TIE1: variants seen among roughly 807,000 people sequenced by gnomAD.
TIE1 encodes the protein tyrosine-protein kinase receptor Tie-1.
A neutral mutation model predicts 130.5 loss-of-function variants in TIE1; 89 were observed. The observed-to-expected ratio is 0.68, with a 90% CI of 0.57 to 0.81. TIE1 has a LOEUF of 0.81. Among genes scored for constraint, TIE1 ranks in the 40% least tolerant of loss-of-function variants. The pLI is 0.00. For missense variants in TIE1, 1,392 were observed against 1,559.8 expected, an observed-to-expected ratio of 0.89 and a Z score of 1.81; for synonymous variants, 568 against 629.4, an observed-to-expected ratio of 0.90 and a Z score of 1.46.
In TIE1 at chr1:43,305,182, G is replaced by C. The variant is rs774712416; in HGVS notation, c.373+17G>C. The C allele has an allele frequency of 6.2e-6, 10 of 1,613,886 alleles. No individual in the cohort carries two copies. The highest frequency in any genetic ancestry group is 7.6e-6 in the Non-Finnish European group (9 of 1,179,964). ...GCCCTGGAGGTGAGTTAGGCAGGCG[G>C]GGGGATGGCGCGGGGAAAACCAGGC... On this transcript the variant is annotated intron_variant, in intron 2 of 22. Transcript: ENST00000372476.
At position 43,312,455 on chromosome 1, in the gene TIE1, G is replaced by T; in HGVS notation, c.1781G>T (p.Arg594Leu). ...LWDGTRGQERRENVSSPQART... is the reference protein window; with the variant it reads ...LWDGTRGQERLENVSSPQART... The stretch of plus-strand genomic sequence containing the variant: ...GACGGGACACGGGGGCAGGAGCGGC[G>T]GGAGAACGTCTCATCCCCCCAGGCC... The change falls in exon 12 of 23, where the codon CGG (arginine) becomes CTG (leucine). Residue 594 changes from arginine (R) to leucine (L), a missense_variant. Coordinates refer to ENST00000372476, the MANE Select transcript of TIE1 (RefSeq NM_005424.5). The surrounding 1 kb of genome is among the most constrained non-coding windows in gnomAD (Gnocchi z 5.6). 1.2e-6 allele frequency: 2 copies of T among 1,611,328 alleles called. No individual in the cohort carries two copies. The highest frequency in any genetic ancestry group is 1.7e-6 in the Non-Finnish European group (2 of 1,179,630).
chr1:43,307,520 C>T lies in TIE1; in HGVS notation c.861C>T (p.Asp287=). The change falls in exon 6 of 23, where the codon GAC becomes GAT. Residue 287 remains aspartate, a synonymous_variant. Transcript: ENST00000372476. The surrounding 1 kb of genome is among the most constrained non-coding windows in gnomAD (Gnocchi z 5.4). The stretch of plus-strand genomic sequence containing the variant: ...GGGGCCTCACCTTCTGCCTCCCAGA[C>T]CCCTATGGCTGCTCTTGTGGATCTG... The part of the protein sequence containing the change: ...GCRGLTFCLP[D]PYGCSCGSGW... 1.2e-6 allele frequency: 2 copies of T among 1,614,180 alleles called. No homozygotes were observed. Among genetic ancestry groups the T allele is most frequent in the Non-Finnish European group, 1.7e-6 (2 of 1,180,026 alleles).
chr1:43,313,285 T>C lies in TIE1; in HGVS notation c.2078T>C (p.Ile693Thr). ...VAGGAGDPLW[I>T]DVDRPEETST... ...GGGGGTGCAGGAGACCCACTGTGGA[T>C]AGACGTGGACAGGCCTGAGGAGACA... Residue 693 changes from isoleucine to threonine, a missense_variant, in exon 13 of 23, where the codon ATA (isoleucine) becomes ACA (threonine). Transcript: ENST00000372476. This position sits in a 1 kb window ranked among gnomAD's most constrained non-coding sequence, Gnocchi z 6.2. 6.2e-7 allele frequency: 1 copy of C among 1,613,946 alleles called. No homozygotes were observed. The highest frequency in any genetic ancestry group is 8.5e-7 in the Non-Finnish European group (1 of 1,179,922).
Position 43,319,860 on chromosome 1 carries a change from C to T in TIE1, c.3107+331C>T, listed in dbSNP as rs988918347. The T allele has an allele frequency of 4.5e-5, 16 of 356,244 alleles. No individual in the cohort carries two copies. The highest frequency in any genetic ancestry group is 4.0e-4 in the Admixed American group (10 of 24,860). 22.1% of individuals were successfully genotyped at this position (356,244 alleles called of 1,614,324 possible). ...GAGGCCACTCAGGAATTGCTCTCATCTTCCTCCCTGAAGGGCAAGGTCATG... is the reference window on the plus strand; with the variant it reads ...GAGGCCACTCAGGAATTGCTCTCATTTTCCTCCCTGAAGGGCAAGGTCATG... On this transcript the variant is annotated intron_variant, in intron 19 of 22. Coordinates refer to ENST00000372476, the MANE Select transcript of TIE1 (RefSeq NM_005424.5). The surrounding 1 kb of genome is among the most constrained non-coding windows in gnomAD (Gnocchi z 4.7).
chr1:43,304,650 G>A (rs534792050), intron 1 of TIE1, among the ~76,000 whole-genome samples: 13 of 152,064 alleles, frequency 8.5e-5, no homozygotes, highest in South Asian at 8.3e-4. Flanking sequence ...CATGGAAGGG[G>A]AAAGGAGGGG....
Position 43,305,453 on chromosome 1 carries a change from C to T in TIE1, c.484+110C>T, listed in dbSNP as rs182832984. 9 of 990,890 alleles carry T rather than the reference C, an allele frequency of 9.1e-6. No homozygotes were observed. In the East Asian group the frequency reaches 2.1e-4, roughly 23 times the overall value. The allele number at this position is 990,890 out of a possible 1,614,324, so 61.4% of individuals were successfully genotyped here. On this transcript the variant is annotated intron_variant, in intron 3 of 22. Coordinates refer to ENST00000372476, the MANE Select transcript of TIE1 (RefSeq NM_005424.5). ...CTTTGGCCCCTGACACACCCGACCT[C>T]CAGGGCCTCTCCTCTGTAGTGGACC...
At chr1:43,301,240 G>A (rs374912968) in intron 1 of TIE1, 111 bp downstream of exon 1, 2 of 1,223,450 alleles carry the variant, frequency 1.6e-6, no homozygotes. Flanking sequence ...GGTTGCCATG[G>A]GCTGCAGGGA....
At position 43,322,891 on chromosome 1, in the gene TIE1, T is replaced by A. The variant is rs141458855; in HGVS notation, c.*169T>A. 1.5e-4 allele frequency: 89 copies of A among 605,940 alleles called. No individual in the cohort carries two copies. The East Asian group carries it at 2.5e-3, about 17-fold the overall frequency. The allele number at this position is 605,940 out of a possible 1,614,324, so 37.5% of individuals were successfully genotyped here. On this transcript the variant is annotated 3_prime_UTR_variant, in exon 23 of 23. Coordinates refer to ENST00000372476, the MANE Select transcript of TIE1 (RefSeq NM_005424.5). The surrounding 1 kb of genome is among the most constrained non-coding windows in gnomAD (Gnocchi z 4.0). ...ATGGGGTGGGCTTAGGGGAACTGGG[T>A]TCCCATGCTTTGTAGGTGTCTCATA...
intron 3 of TIE1, among the ~76,000 whole-genome samples, chr1:43,305,677 C>T (rs2153910421): frequency 6.6e-6 from 1 of 152,332 alleles, no homozygotes; most frequent in East Asian, 1.9e-4. Flanking sequence ...CATCAGTCCC[C>T]CTGAGGAGGA....
Position 43,321,656 on chromosome 1 carries a change from G to A in TIE1, c.3286G>A (p.Glu1096Lys). ...TCAGTGCTGGCGGGACCGTCCCTAT[G>A]AGCGACCCCCCTTTGCCCAGATTGC... ...MRQCWRDRPY[E>K]RPPFAQIALQ... The change falls in exon 22 of 23, where the codon GAG becomes AAG. Residue 1096 changes from glutamate to lysine, a missense_variant. Coordinates refer to ENST00000372476, the MANE Select transcript of TIE1 (RefSeq NM_005424.5). 2 of 1,553,588 alleles carry A rather than the reference G, an allele frequency of 1.3e-6. No homozygotes were observed. The highest frequency in any genetic ancestry group is 8.7e-7 in the Non-Finnish European group (1 of 1,148,040).
intron 1 of TIE1, among the ~76,000 whole-genome samples, chr1:43,303,434 G>A (rs191831377): frequency 2.6e-5 from 4 of 152,226 alleles, no homozygotes; most frequent in Admixed American, 2.0e-4. Flanking sequence ...GAAAATGGGG[G>A]TTGGTATGTG....
chr1:43,301,959 T>C (rs1646675102), intron 1 of TIE1, among the ~76,000 whole-genome samples: 1 of 152,192 alleles, frequency 6.6e-6, no homozygotes, highest in Non-Finnish European at 1.5e-5. Flanking sequence ...TGCCATCACT[T>C]TGATCCACTA....
Position 43,312,185 on chromosome 1 carries a change from G to A in TIE1, c.1630+54G>A, listed in dbSNP as rs988527712. 8 of 1,511,036 alleles carry A rather than the reference G, an allele frequency of 5.3e-6. No individual in the cohort carries two copies. The African/African-American group carries it at 9.8e-5, about 18-fold the overall frequency. The allele number at this position is 1,511,036 out of a possible 1,614,324, so 93.6% of individuals were successfully genotyped here. On this transcript the variant is annotated intron_variant, in intron 11 of 22. Transcript: ENST00000372476. This position sits in a 1 kb window ranked among gnomAD's most constrained non-coding sequence, Gnocchi z 5.6. ...TCCCCCCAAGGGTTACTTTCCCGTC[G>A]ACCCCAGGGACCCCTGCCTTTCCCA...
At position 43,301,037 on chromosome 1, in the gene TIE1, G is replaced by A; in HGVS notation, c.-35G>A. 2.5e-6 allele frequency: 4 copies of A among 1,607,902 alleles called. No individual in the cohort carries two copies. Among genetic ancestry groups the A allele is most frequent in the Non-Finnish European group, 3.4e-6 (4 of 1,176,318 alleles). On this transcript the variant is annotated 5_prime_UTR_variant, in exon 1 of 23. Transcript: ENST00000372476. ...CCCACAGCATCTGACCCCAGGCCCAGCTCGTCCTGGCTGGCCTGGGTCGGC... is the reference window on the plus strand; with the variant it reads ...CCCACAGCATCTGACCCCAGGCCCAACTCGTCCTGGCTGGCCTGGGTCGGC...
At position 43,310,294 on chromosome 1, in the gene TIE1, G is replaced by A. The variant is rs528042882; in HGVS notation, c.1333+762G>A. Among the ~76,000 whole-genome samples the A allele has an allele frequency of 8.5e-5, 13 of 152,232 alleles. No homozygotes were observed. In the South Asian group the frequency reaches 2.1e-3, roughly 24 times the overall value. ...GCCTTTCTCTTCTCACTGTGCCCAGGCTTAGGAGCCAGACAACCTGGGCTT... is the reference window on the plus strand; with the variant it reads ...GCCTTTCTCTTCTCACTGTGCCCAGACTTAGGAGCCAGACAACCTGGGCTT... On this transcript the variant is annotated intron_variant, in intron 9 of 22. Coordinates refer to ENST00000372476, the MANE Select transcript of TIE1 (RefSeq NM_005424.5).
Position 43,318,145 on chromosome 1 carries a change from C to T in TIE1, c.2922+73C>T, listed in dbSNP as rs1557453656. On this transcript the variant is annotated intron_variant, in intron 17 of 22. Transcript: ENST00000372476. The surrounding 1 kb of genome is among the most constrained non-coding windows in gnomAD (Gnocchi z 4.4). Reference sequence around the variant, plus strand: ...GCTGGTGTCAGTGGAAGAAGTCAGCCGGCCCTGATTGTATCTGGGGATTGA... The same window carrying T: ...GCTGGTGTCAGTGGAAGAAGTCAGCTGGCCCTGATTGTATCTGGGGATTGA... 3 of 1,486,176 alleles carry T rather than the reference C, an allele frequency of 2.0e-6. No individual in the cohort carries two copies. Among genetic ancestry groups the T allele is most frequent in the South Asian group, 1.4e-5 (1 of 72,870 alleles). The allele number at this position is 1,486,176 out of a possible 1,614,324, so 92.1% of individuals were successfully genotyped here.
In TIE1 at chr1:43,304,846, C is replaced by T. The variant is rs1646707628; in HGVS notation, c.59-5C>T. On this transcript the variant is annotated splice_polypyrimidine_tract_variant and splice_region_variant and intron_variant, in intron 1 of 22. Transcript: ENST00000372476. Reference sequence around the variant, plus strand: ...ACAATAGAGTCACTGGTGTCCTGGCCCCAGGCGCGGCGGTGGACCTGACGC... The same window carrying T: ...ACAATAGAGTCACTGGTGTCCTGGCTCCAGGCGCGGCGGTGGACCTGACGC... 1 of 1,416,894 alleles carries T rather than the reference C, an allele frequency of 7.1e-7. No homozygotes were observed. The allele number at this position is 1,416,894 out of a possible 1,614,324, so 87.8% of individuals were successfully genotyped here. A position where few individuals can be genotyped will look rare whatever the true frequency, so the allele number is the denominator to read the frequency against.
At position 43,321,258 on chromosome 1, in the gene TIE1, T is replaced by G. The variant is rs879699421; in HGVS notation, c.3108-11T>G. 2 of 1,614,034 alleles carry G rather than the reference T, an allele frequency of 1.2e-6. No individual in the cohort carries two copies. The highest frequency in any genetic ancestry group is 1.7e-6 in the Non-Finnish European group (2 of 1,179,986). On this transcript the variant is annotated splice_polypyrimidine_tract_variant and intron_variant, in intron 19 of 22. Coordinates refer to ENST00000372476, the MANE Select transcript of TIE1 (RefSeq NM_005424.5). ...CCTAGAAGGTAACTAAGTGCATCCT[T>G]CTTATTTCAGCTGGTCCTTTGGAGT... is the stretch of plus-strand genomic sequence containing the variant.
rs759191363 is a variant in TIE1, at chr1:43,318,458, CA to C, written c.2922+387del. 1.1e-4 allele frequency among the ~76,000 whole-genome samples: 16 copies of C among 151,578 alleles called. No individual in the cohort carries two copies. The highest frequency in any genetic ancestry group is 2.2e-4 in the Non-Finnish European group (15 of 67,944). ...GTCAACTCAGGCCTGAATGAGAGGA[CA>C]GGGGGATGACTGTCCAGGGGAGTGT... On this transcript the variant is annotated intron_variant, in intron 17 of 22. Coordinates refer to ENST00000372476, the MANE Select transcript of TIE1 (RefSeq NM_005424.5). The surrounding 1 kb of genome is among the most constrained non-coding windows in gnomAD (Gnocchi z 4.4).
Sources: allele counts gnomAD v4.1 joint callset (sites outside exome capture counted in the v4.1 genomes callset), GRCh38; gene constraint gnomAD v4.1.1; non-coding constraint Gnocchi (gnomAD v3.1); transcripts MANE v1.5; gene names NCBI Gene and HGNC (gene_info 2026-07-23, HGNC 2026-07-21).